Variants in TASP1 observed in about 807,000 individuals in gnomAD.
TASP1 encodes the protein taspase 1.
Under a neutral mutation model 56.6 loss-of-function variants are expected in TASP1, and 16 were observed. The ratio of observed to expected loss-of-function variants is 0.28; its 90% CI spans 0.19 to 0.43. TASP1 has a LOEUF of 0.43. TASP1 is among the 20% of genes least tolerant of loss of function. The pLI is 1.00. For missense variants in TASP1, 393 were observed against 511.6 expected (o/e 0.77, Z 2.24); for synonymous variants, 179 against 184.2 (o/e 0.97, Z 0.23).
At chr20:13,490,677 C>T (rs774192280) in intron 10 of TASP1, among the ~76,000 whole-genome samples, 11 of 151,966 alleles carry the variant, frequency 7.2e-5, no homozygotes, top group Non-Finnish European at 1.0e-4. Flanking sequence ...TCCTTCCCTC[C>T]CTCACCCCTC....
intron 11 of TASP1, among the ~76,000 whole-genome samples, chr20:13,462,224 A>AGTAGCTTTTAAAGAG (rs2044080600): frequency 6.6e-6 from 1 of 152,184 alleles, no homozygotes; most frequent in Non-Finnish European, 1.5e-5. Context: ...TGAATCACTC[A>AGTAGCTTTTAAAGAG]AGATTTTAAA....
In TASP1 at chr20:13,393,361, G is replaced by T. The variant is rs1020028729; in HGVS notation, c.1171-2909C>A. On this transcript the variant is annotated intron_variant, in intron 13 of 13. Coordinates refer to ENST00000337743, the MANE Select transcript of TASP1 (RefSeq NM_017714.3). ...CCCGAGCTGAACAGGAAGCTCAATG[G>T]CATGGCCTTCCATGTCCCCATTGCC... 4 of 745,990 alleles carry T rather than the reference G, an allele frequency of 5.4e-6. No homozygotes were observed. In the African/African-American group the frequency reaches 6.9e-5, roughly 13 times the overall value. 46.2% of individuals were successfully genotyped at this position (745,990 alleles called of 1,614,324 possible).
At chr20:13,375,212 T>C in the TASP1 span, among the ~76,000 whole-genome samples, 1 of 152,134 alleles carries the variant, frequency 6.6e-6, no homozygotes, top group African/African-American at 2.4e-5. Flanking sequence ...TAGGTATTTC[T>C]CCTAATGCTA....
chr20:13,415,477 T>C (rs1337370946), intron 13 of TASP1, among the ~76,000 whole-genome samples: 7 of 149,500 alleles, frequency 4.7e-5, no homozygotes, highest in Non-Finnish European at 1.0e-4. Flanking sequence ...AAAGTATTTG[T>C]AGTCACAGGC....
At chr20:13,589,969 C>T (rs955623514) in intron 4 of TASP1, among the ~76,000 whole-genome samples, 1 of 152,136 alleles carries the variant, frequency 6.6e-6, no homozygotes, top group South Asian at 2.1e-4. Flanking sequence ...TGGTGGCTCA[C>T]ACCTGTAATC....
At chr20:13,637,672 A>T (rs58087739) in intron 1 of TASP1, among the ~76,000 whole-genome samples, 1 of 152,242 alleles carries the variant, frequency 6.6e-6, no homozygotes, top group African/African-American at 2.4e-5. Flanking sequence ...ATGAAATGCC[A>T]GTATAGGAAA....
the TASP1 span, among the ~76,000 whole-genome samples, chr20:13,279,140 A>G: frequency 3.3e-5 from 5 of 152,188 alleles, no homozygotes; most frequent in Non-Finnish European, 7.3e-5. Context: ...CAAGAGTTAA[A>G]TAATACAGGT....
the TASP1 span, among the ~76,000 whole-genome samples, chr20:13,333,936 T>C: frequency 6.6e-6 from 1 of 152,222 alleles, no homozygotes; most frequent in Non-Finnish European, 1.5e-5. Context: ...GGAGGCATTA[T>C]GCCAAGAGAA....
intron 8 of TASP1, among the ~76,000 whole-genome samples, chr20:13,536,122 T>A (rs1822283985): frequency 6.6e-6 from 1 of 152,174 alleles, no homozygotes; most frequent in Admixed American, 6.6e-5. Flanking sequence ...TAAGAAGGCT[T>A]CTCAAATTTT....
chr20:13,359,867 C>T, the TASP1 span, among the ~76,000 whole-genome samples: 3 of 151,804 alleles, frequency 2.0e-5, no homozygotes, highest in Non-Finnish European at 1.5e-5. Context: ...GTATAAGATA[C>T]CTCTACTCCC....
At chr20:13,174,124 G>T in the TASP1 span, among the ~76,000 whole-genome samples, 20 of 152,164 alleles carry the variant, frequency 1.3e-4, no homozygotes, top group Non-Finnish European at 2.8e-4. Flanking sequence ...ATATGTGAAT[G>T]ATGTGAAAAT....
intron 9 of TASP1, among the ~76,000 whole-genome samples, chr20:13,533,025 T>C (rs1320984470): frequency 6.6e-6 from 1 of 152,180 alleles, no homozygotes; most frequent in Admixed American, 6.6e-5. Context: ...CCTTCCCCTT[T>C]TTCCTAGTCT....
the TASP1 span, among the ~76,000 whole-genome samples, chr20:13,255,148 C>T: frequency 6.6e-6 from 1 of 152,134 alleles, no homozygotes; most frequent in Admixed American, 6.5e-5. Context: ...GGAAAGAACA[C>T]TGGTTATATA....
intron 11 of TASP1, among the ~76,000 whole-genome samples, chr20:13,479,030 T>C (rs1334635993): frequency 2.0e-5 from 3 of 152,174 alleles, no homozygotes; most frequent in Middle Eastern, 3.4e-3. Context: ...AAACAATACA[T>C]TAAAAATCTC....
intron 4 of TASP1, among the ~76,000 whole-genome samples, chr20:13,589,807 C>G (rs2047454920): frequency 6.6e-6 from 1 of 152,120 alleles, no homozygotes; most frequent in South Asian, 2.1e-4. Context: ...TATGAATTAA[C>G]ATTTCTCCAA....
chr20:13,141,591 G>T, the TASP1 span, among the ~76,000 whole-genome samples: 3 of 152,128 alleles, frequency 2.0e-5, 1 homozygote, highest in Non-Finnish European at 2.9e-5. Flanking sequence ...CGCCCAAAAT[G>T]TACTGTCTGA....
intron 11 of TASP1, among the ~76,000 whole-genome samples, chr20:13,436,817 A>C (rs1299812167): frequency 6.6e-6 from 1 of 152,148 alleles, no homozygotes; most frequent in Non-Finnish European, 1.5e-5. Context: ...TCCTCGACTT[A>C]GGGTAAGAGC....
the TASP1 span, among the ~76,000 whole-genome samples, chr20:13,128,768 A>G: frequency 1.5e-4 from 23 of 151,726 alleles, no homozygotes; most frequent in Admixed American, 1.4e-3. Context: ...TTGGCTCACT[A>G]CAACCTCCAC....
chr20:13,462,453 T>C (rs917029499), intron 11 of TASP1, among the ~76,000 whole-genome samples: 2 of 152,194 alleles, frequency 1.3e-5, no homozygotes, highest in African/African-American at 4.8e-5. Context: ...CACATTGATT[T>C]TGATAGTAGT....
Sources: gnomAD v4.1 joint callset for allele counts (sites outside exome capture counted in the v4.1 genomes callset) on GRCh38, gnomAD v4.1.1 for gene constraint, MANE v1.5 for transcripts, NCBI Gene and HGNC (gene_info 2026-07-23, HGNC 2026-07-21) for gene names.